TRERF1: variants seen among roughly 807,000 people sequenced by gnomAD.
TRERF1 encodes the protein transcriptional-regulating factor 1.
TRERF1 carries 27 observed loss-of-function variants against 122.9 expected under a neutral mutation model. The ratio of observed to expected loss-of-function variants is 0.22; its 90% confidence interval spans 0.16 to 0.30. The LOEUF (loss-of-function observed/expected upper bound fraction) is 0.30, where lower values mean the gene tolerates loss of function less well. TRERF1 is among the 10% of genes least tolerant of loss of function. The probability of loss-of-function intolerance (pLI) is 1.00; values close to 1 mark genes in which losing one functional copy is unlikely to be tolerated. For missense variants in TRERF1, 1,248 were observed against 1,560.3 expected (o/e 0.80, Z 3.37); for synonymous variants, 636 against 641.7 (o/e 0.99, Z 0.13).
intron 4 of TRERF1, among the ~76,000 whole-genome samples, chr6:42,299,989 C>T (rs368715575): frequency 8.5e-5 from 13 of 152,084 alleles, no homozygotes; most frequent in Non-Finnish European, 1.6e-4. Context: ...ACAGAGGGGA[C>T]GAGAGGACAA....
At chr6:42,380,341 A>T (rs1166422106) in intron 2 of TRERF1, among the ~76,000 whole-genome samples, 2 of 152,180 alleles carry the variant, frequency 1.3e-5, no homozygotes, top group African/African-American at 4.8e-5. Flanking sequence ...AACTGACCTG[A>T]CCAAGCCTTA....
At chr6:42,413,675 G>A (rs573760700) in intron 2 of TRERF1, among the ~76,000 whole-genome samples, 201 of 152,110 alleles carry the variant, frequency 1.3e-3, no homozygotes, top group Middle Eastern at 6.8e-3. Context: ...TGATCCGCCC[G>A]CCACAGCCTC....
At chr6:42,297,203 T>C (rs1000114035) in intron 4 of TRERF1, among the ~76,000 whole-genome samples, 17 of 152,202 alleles carry the variant, frequency 1.1e-4, no homozygotes, top group African/African-American at 3.6e-4. Flanking sequence ...AAGAAAAAGA[T>C]ATACTTTTGG....
rs376605941 is a variant in TRERF1 at position 42,232,665 on chromosome 6, G to A, written c.3278+16C>T. ...CATCATGAACTCAGATTCAGTCCCC[G>A]GTCCCCTGCACCTACTTGCCACACT... is the stretch of plus-strand genomic sequence containing the variant. On this transcript the variant is annotated intron_variant, in intron 17 of 17. Transcript: ENST00000372922. This position sits in a 1 kb window ranked among gnomAD's most constrained non-coding sequence, Gnocchi z 4.5. The A allele has an allele frequency of 3.4e-5, 53 of 1,572,644 alleles. No individual in the cohort carries two copies. The highest frequency in any genetic ancestry group is 1.0e-4 in the Admixed American group (6 of 58,006).
chr6:42,388,020 C>A (rs2151212602), intron 2 of TRERF1, among the ~76,000 whole-genome samples: 1 of 152,196 alleles, frequency 6.6e-6, no homozygotes, highest in South Asian at 2.1e-4. Context: ...GTTGCCCAGG[C>A]TGGCGATCTT....
At position 42,228,981 on chromosome 6, in the gene TRERF1, C is replaced by T. The variant is rs939779872; in HGVS notation, c.3279-312G>A. On this transcript the variant is annotated intron_variant, in intron 17 of 17. Transcript: ENST00000372922. The surrounding 1 kb of genome is among the most constrained non-coding windows in gnomAD (Gnocchi z 4.2). ...GCTCTTTCTCCTCTTTCAGCCTCCC[C>T]CTTCTCCTCATCACTGACCATGCCC... Among the ~76,000 whole-genome samples, 13 of 152,250 alleles carry T rather than the reference C, an allele frequency of 8.5e-5. No individual in the cohort carries two copies. The highest frequency in any genetic ancestry group is 3.1e-4 in the African/African-American group (13 of 41,468).
At chr6:42,381,676 A>G (rs1035843590) in intron 2 of TRERF1, among the ~76,000 whole-genome samples, 9 of 151,628 alleles carry the variant, frequency 5.9e-5, no homozygotes, top group Admixed American at 4.6e-4. Flanking sequence ...AGCCCATCTC[A>G]GAGAGGCAGG....
At chr6:42,390,506 C>T (rs561863899) in intron 2 of TRERF1, among the ~76,000 whole-genome samples, 168 of 152,346 alleles carry the variant, frequency 1.1e-3, no homozygotes, top group African/African-American at 3.6e-3. Context: ...CTACTCGCTT[C>T]CCCACTTCCT....
chr6:42,442,310 T>C (rs1428133453), intron 2 of TRERF1, among the ~76,000 whole-genome samples: 1 of 152,100 alleles, frequency 6.6e-6, no homozygotes, highest in Non-Finnish European at 1.5e-5. Context: ...TGGGGGCAGT[T>C]TCCCAAAGAC....
intron 2 of TRERF1, among the ~76,000 whole-genome samples, chr6:42,423,201 G>A (rs758524690): frequency 9.2e-5 from 14 of 152,080 alleles, no homozygotes; most frequent in South Asian, 2.1e-4. Context: ...ACTCATCTTG[G>A]TTTCTTCCAG....
chr6:42,405,744 G>C (rs1294232860), intron 2 of TRERF1, among the ~76,000 whole-genome samples: 1 of 150,842 alleles, frequency 6.6e-6, no homozygotes, highest in East Asian at 1.9e-4. Flanking sequence ...GCAGTGAGTT[G>C]CGATCACACC....
intron 4 of TRERF1, among the ~76,000 whole-genome samples, chr6:42,277,864 G>C (rs1368069272): frequency 7.1e-6 from 1 of 141,014 alleles, no homozygotes; most frequent in East Asian, 2.0e-4. Flanking sequence ...AAAGAAGGAA[G>C]AAGGAAGAAG....
chr6:42,259,376 G>A lies in TRERF1; in HGVS notation c.2232C>T (p.Pro744=), dbSNP rs1356774779. ...GCAGCACCCGTGGTGTGGGCGTCAGGGGCGTCAGGGGCAGCTGCGGGTGGG... is the reference window on the plus strand; with the variant it reads ...GCAGCACCCGTGGTGTGGGCGTCAGAGGCGTCAGGGGCAGCTGCGGGTGGG... Residue 744 remains proline, a synonymous_variant, in exon 9 of 18, where the codon CCC becomes CCT. Transcript: ENST00000372922. This position sits in a 1 kb window ranked among gnomAD's most constrained non-coding sequence, Gnocchi z 4.9. 2.0e-6 allele frequency: 3 copies of A among 1,520,756 alleles called. No individual in the cohort carries two copies. The highest frequency in any genetic ancestry group is 2.6e-6 in the Non-Finnish European group (3 of 1,144,834). 94.2% of individuals were successfully genotyped at this position (1,520,756 alleles called of 1,614,324 possible).
intron 4 of TRERF1, among the ~76,000 whole-genome samples, chr6:42,281,071 C>A (rs1028158766): frequency 1.3e-5 from 2 of 152,096 alleles, no homozygotes; most frequent in Non-Finnish European, 2.9e-5. Context: ...AGGGGTCCTG[C>A]CCTTTCTGGG....
chr6:42,338,414 A>G (rs1397001635), intron 3 of TRERF1, among the ~76,000 whole-genome samples: 1 of 152,222 alleles, frequency 6.6e-6, no homozygotes, highest in Non-Finnish European at 1.5e-5. Context: ...ACGCATGTGC[A>G]CAGAGGTATG....
chr6:42,447,946 C>T (rs559378799), intron 2 of TRERF1, among the ~76,000 whole-genome samples: 61 of 152,228 alleles, frequency 4.0e-4, no homozygotes, highest in Non-Finnish European at 6.3e-4. Flanking sequence ...TCAGGTGATC[C>T]GCCTGCCTCG....
In TRERF1 at chr6:42,228,322, G is replaced by A. The variant is rs1472681887; in HGVS notation, c.*23C>T. ...AAGATGGAGGCCGTGGGTTTTCACT[G>A]TCTCTAAGTGACACACAGGGCTTTA... On this transcript the variant is annotated 3_prime_UTR_variant, in exon 18 of 18. Transcript: ENST00000372922. The surrounding 1 kb of genome is among the most constrained non-coding windows in gnomAD (Gnocchi z 4.2). 1.9e-6 allele frequency: 3 copies of A among 1,576,698 alleles called. No individual in the cohort carries two copies. Among genetic ancestry groups the A allele is most frequent in the Non-Finnish European group, 2.6e-6 (3 of 1,158,510 alleles).
chr6:42,343,081 C>T (rs1724132897), intron 3 of TRERF1, among the ~76,000 whole-genome samples: 2 of 152,116 alleles, frequency 1.3e-5, no homozygotes, highest in Non-Finnish European at 2.9e-5. Flanking sequence ...CACCCTGATG[C>T]CATTTCTGAG....
intron 3 of TRERF1, among the ~76,000 whole-genome samples, chr6:42,355,507 G>A (rs944142332): frequency 6.6e-6 from 1 of 152,130 alleles, no homozygotes; most frequent in African/African-American, 2.4e-5. Flanking sequence ...TCCTCCCTCT[G>A]GGGACTTGCC....
Sources: gnomAD v4.1 joint callset for allele counts (sites outside exome capture counted in the v4.1 genomes callset) on GRCh38, gnomAD v4.1.1 for gene constraint, Gnocchi (gnomAD v3.1) non-coding constraint, MANE v1.5 for transcripts, NCBI Gene and HGNC (gene_info 2026-07-23, HGNC 2026-07-21) for gene names.